NRG1: variants seen among roughly 807,000 people sequenced by gnomAD.
NRG1 encodes pro-neuregulin-1, membrane-bound isoform.
Under a neutral mutation model 63.8 loss-of-function variants are expected in NRG1, and 18 were observed. That is an observed-to-expected ratio of 0.28 (90% CI 0.19 to 0.42). The LOEUF (loss-of-function observed/expected upper bound fraction) is 0.42. Among genes scored for constraint, NRG1 ranks in the 10% least tolerant of loss-of-function variants. The probability of loss-of-function intolerance (pLI) is 1.00; values close to 1 mark genes in which losing one functional copy is unlikely to be tolerated. For synonymous variants in NRG1, 302 were observed against 301.3 expected (o/e 1.00, Z -0.02); for missense variants, 762 against 814.7 (o/e 0.94, Z 0.79).
intron 1 of NRG1, among the ~76,000 whole-genome samples, chr8:31,880,638 G>A (rs962549722): frequency 1.3e-5 from 2 of 152,148 alleles, no homozygotes; most frequent in African/African-American, 4.8e-5. Flanking sequence ...TGAAGACTTT[G>A]ATGTTTAACG....
At chr8:32,218,528 AC>A (rs1845482302) in intron 1 of NRG1, among the ~76,000 whole-genome samples, 1 of 152,194 alleles carries the variant, frequency 6.6e-6, no homozygotes, top group Non-Finnish European at 1.5e-5. Context: ...ACCAAGAGTC[AC>A]AGATTGCTTA....
At chr8:32,441,879 C>T (rs903095693) in intron 1 of NRG1, among the ~76,000 whole-genome samples, 8 of 151,978 alleles carry the variant, frequency 5.3e-5, no homozygotes, top group Admixed American at 3.3e-4. Context: ...CTCTGGTACT[C>T]GATTTTCTCA....
At chr8:32,281,398 G>T (rs1400633991) in intron 1 of NRG1, among the ~76,000 whole-genome samples, 1 of 151,292 alleles carries the variant, frequency 6.6e-6, no homozygotes, top group Non-Finnish European at 1.5e-5. Flanking sequence ...GGCTGGTCTC[G>T]AACTCCTGAC....
At chr8:31,953,469 T>A (rs547862906) in intron 1 of NRG1, among the ~76,000 whole-genome samples, 1 of 152,294 alleles carries the variant, frequency 6.6e-6, no homozygotes, top group Non-Finnish European at 1.5e-5. Context: ...GATAAGATAC[T>A]TAAAGTGAAG....
chr8:32,541,773 C>T (rs1047210937), intron 1 of NRG1, among the ~76,000 whole-genome samples: 73 of 152,126 alleles, frequency 4.8e-4, no homozygotes, highest in African/African-American at 1.5e-3. Flanking sequence ...AGAAAATGAC[C>T]GCCAAGTATG....
intron 5 of NRG1, among the ~76,000 whole-genome samples, chr8:32,688,217 C>A (rs578170628): frequency 6.6e-6 from 1 of 152,270 alleles, no homozygotes. Flanking sequence ...GACTAACATA[C>A]GTACGAAACA....
At chr8:32,027,466 T>TTCCTTCCCTCCC (rs1491191069) in intron 1 of NRG1, among the ~76,000 whole-genome samples, 9 of 60,866 alleles carry the variant, frequency 1.5e-4, no homozygotes, top group South Asian at 9.9e-4. Flanking sequence ...CCTTCCTTCC[T>TTCCTTCCCTCCC]TCCCTCCCTC....
intron 1 of NRG1, among the ~76,000 whole-genome samples, chr8:32,377,813 C>G (rs1207845247): frequency 6.6e-6 from 1 of 152,100 alleles, no homozygotes; most frequent in Non-Finnish European, 1.5e-5. Flanking sequence ...AATACCAAGC[C>G]CTTCTTTCTC....
intron 1 of NRG1, among the ~76,000 whole-genome samples, chr8:31,977,295 G>C (rs1808349865): frequency 6.6e-6 from 1 of 151,992 alleles, no homozygotes; most frequent in Admixed American, 6.6e-5. Flanking sequence ...TCAGTCTCTT[G>C]CTGACTTCCC....
chr8:32,077,737 G>A (rs899524718), intron 1 of NRG1, among the ~76,000 whole-genome samples: 2 of 152,090 alleles, frequency 1.3e-5, no homozygotes, highest in Non-Finnish European at 2.9e-5. Flanking sequence ...GGTGCTATAC[G>A]GGATGAAGTG....
intron 1 of NRG1, among the ~76,000 whole-genome samples, chr8:32,044,731 T>C (rs1291244755): frequency 9.0e-6 from 1 of 111,562 alleles, no homozygotes; most frequent in African/African-American, 4.1e-5. Flanking sequence ...AGAAGAAGTG[T>C]CAAAAAAAAA....
intron 5 of NRG1, among the ~76,000 whole-genome samples, chr8:32,720,583 T>C (rs1036620421): frequency 2.6e-5 from 4 of 152,166 alleles, no homozygotes; most frequent in African/African-American, 7.2e-5. Context: ...GTTTCTGGAA[T>C]TGGCTTCTCA....
intron 1 of NRG1, among the ~76,000 whole-genome samples, chr8:31,820,696 A>C (rs1823921165): frequency 6.6e-6 from 1 of 152,252 alleles, no homozygotes; most frequent in Admixed American, 6.5e-5. Flanking sequence ...CCAATTAGCA[A>C]ATAAAAAAGT....
At chr8:31,733,654 G>C (rs1814347020) in intron 1 of NRG1, among the ~76,000 whole-genome samples, 1 of 152,112 alleles carries the variant, frequency 6.6e-6, no homozygotes, top group African/African-American at 2.4e-5. Context: ...CCTGTGGAAG[G>C]GTTACCAGCC....
At chr8:32,198,558 GT>G (rs762512762) in intron 1 of NRG1, among the ~76,000 whole-genome samples, 3 of 152,144 alleles carry the variant, frequency 2.0e-5, no homozygotes, top group Non-Finnish European at 2.9e-5. Context: ...AAAATGACAT[GT>G]TTTCATAATG....
intron 5 of NRG1, among the ~76,000 whole-genome samples, chr8:32,672,539 T>G (rs1431807553): frequency 6.6e-6 from 1 of 152,188 alleles, no homozygotes; most frequent in Non-Finnish European, 1.5e-5. Flanking sequence ...ACTCTGTAAA[T>G]AAATCCAAAT....
intron 2 of NRG1, among the ~76,000 whole-genome samples, chr8:32,598,028 A>G (rs931040473): frequency 6.6e-6 from 1 of 152,160 alleles, no homozygotes; most frequent in Non-Finnish European, 1.5e-5. Flanking sequence ...GTAATGTCTC[A>G]TTTATTTCTA....
chr8:32,565,853 A>G (rs2129527712), intron 1 of NRG1, among the ~76,000 whole-genome samples: 1 of 152,152 alleles, frequency 6.6e-6, no homozygotes, highest in Admixed American at 6.5e-5. Flanking sequence ...TGTGTTGGCC[A>G]TTGCTCTGTA....
chr8:32,743,232 A>C (rs1014537157), intron 7 of NRG1: 32 of 985,212 alleles, frequency 3.2e-5, no homozygotes, highest in Non-Finnish European at 3.7e-5. Context: ...AGGAGTTCAG[A>C]TGTTTTTCTT....
Sources: allele counts gnomAD v4.1 joint callset (sites outside exome capture counted in the v4.1 genomes callset), GRCh38; gene constraint gnomAD v4.1.1; transcripts MANE v1.5; gene names NCBI Gene and HGNC (gene_info 2026-07-23, HGNC 2026-07-21).